TOP2B: variants seen among roughly 807,000 people sequenced by gnomAD.
TOP2B encodes DNA topoisomerase 2-beta.
TOP2B carries 51 observed loss-of-function variants against 193.5 expected under a neutral mutation model. The ratio of observed to expected loss-of-function variants is 0.26; its 90% confidence interval spans 0.21 to 0.33. The LOEUF (loss-of-function observed/expected upper bound fraction) is 0.33, where lower values mean the gene tolerates loss of function less well. Ranked by LOEUF, TOP2B falls within the 10% of genes least tolerant of loss-of-function variation. The pLI, the probability that TOP2B is intolerant of heterozygous loss-of-function variation, is 1.00. For missense variants in TOP2B, 1,378 were observed against 1,909.3 expected, an observed-to-expected ratio of 0.72 and a Z score of 5.19; for synonymous variants, 634 against 635.7, an observed-to-expected ratio of 1.00 and a Z score of 0.04.
chr3:25,600,175 T>C (rs974572268), intron 34 of TOP2B, among the ~76,000 whole-genome samples: 2 of 152,182 alleles, frequency 1.3e-5, no homozygotes, highest in Admixed American at 6.5e-5. Context: ...ATTCTCATCA[T>C]TGGAGGTGGA....
At chr3:25,652,047 C>T (rs937164273) in intron 1 of TOP2B, among the ~76,000 whole-genome samples, 1 of 152,024 alleles carries the variant, frequency 6.6e-6, no homozygotes, top group Admixed American at 6.5e-5. Flanking sequence ...AGAGAGTGGC[C>T]GTACTTACAT....
In TOP2B at chr3:25,633,807, C is replaced by A. The variant is rs376971644; in HGVS notation, c.1026+34G>T. On this transcript the variant is annotated intron_variant, in intron 8 of 35. Coordinates refer to ENST00000264331, the MANE Select transcript of TOP2B (RefSeq NM_001330700.2). ...AGTTTTTATTGAAGTACTGTTCTAC[C>A]ACTGACTTGGAAACAAATAATTTGC... The A allele has an allele frequency of 1.0e-4, 161 of 1,565,170 alleles. No homozygotes were observed. The African/African-American group carries it at 2.0e-3, about 19-fold the overall frequency.
chr3:25,636,728 C>A (rs1703117459), intron 6 of TOP2B, among the ~76,000 whole-genome samples: 1 of 151,988 alleles, frequency 6.6e-6, no homozygotes, highest in Non-Finnish European at 1.5e-5. Context: ...ATGCATGATG[C>A]TTTTCCTGAG....
chr3:25,645,304 G>A lies in TOP2B; in HGVS notation c.236C>T (p.Thr79Met), dbSNP rs557902062. The A allele has an allele frequency of 8.4e-6, 13 of 1,542,326 alleles. No homozygotes were observed. Among genetic ancestry groups the A allele is most frequent in the African/African-American group, 1.4e-5 (1 of 72,670 alleles). ...DTYIGSVEPLTQFMWVYDEDV... is the reference protein window; with the variant it reads ...DTYIGSVEPLMQFMWVYDEDV... ...ATCAATTTTAGCAATAATTACCTGCGTCAATGGCTCCACTGACCCAATATA... is the reference window on the plus strand; with the variant it reads ...ATCAATTTTAGCAATAATTACCTGCATCAATGGCTCCACTGACCCAATATA... Residue 79 changes from threonine to methionine, a missense_variant, in exon 2 of 36, where the codon ACG (threonine) becomes ATG (methionine). By Grantham distance (81) the Thr-to-Met change is moderately conservative. Transcript: ENST00000264331.
At chr3:25,612,463 CAT>C (rs1702397861) in intron 28 of TOP2B, 50 bp downstream of exon 28, 6 of 1,381,888 alleles carry the variant, frequency 4.3e-6, no homozygotes, top group Non-Finnish European at 5.8e-6. Flanking sequence ...TTAAATTATA[CAT>C]ATATTTCATT....
intron 28 of TOP2B, among the ~76,000 whole-genome samples, chr3:25,611,792 G>A (rs987493287): frequency 1.3e-5 from 2 of 151,968 alleles, no homozygotes; most frequent in Non-Finnish European, 2.9e-5. Flanking sequence ...AGAGTACTTT[G>A]TAAGCCAAAC....
At position 25,605,078 on chromosome 3, in the gene TOP2B, CAG is replaced by C. The variant is rs1559491241; in HGVS notation, c.4379-210_4379-209del. Among the ~76,000 whole-genome samples, 3 of 152,174 alleles carry C rather than the reference CAG, an allele frequency of 2.0e-5. No individual in the cohort carries two copies. In the South Asian group the frequency reaches 6.2e-4, roughly 32 times the overall value. ...ATGTTAACTATGTGGTGAAATAACA[CAG>C]AAGTGCATAAAGTAGTAAAAATTAA... On this transcript the variant is annotated intron_variant, in intron 32 of 35. Transcript: ENST00000264331.
intron 21 of TOP2B, among the ~76,000 whole-genome samples, chr3:25,621,657 C>A (rs570537813): frequency 6.6e-6 from 1 of 152,168 alleles, no homozygotes; most frequent in East Asian, 2.0e-4. Context: ...CTGCACCTGG[C>A]CTACTCTAAA....
At chr3:25,599,669 T>C (rs1702039935) in intron 34 of TOP2B, 140 bp from the exon 35 acceptor site, 1 of 753,030 alleles carries the variant, frequency 1.3e-6, no homozygotes, top group South Asian at 2.2e-5. Flanking sequence ...TGAGTGATTA[T>C]AAACAATTTG....
At chr3:25,631,693 C>T (rs1164305228) in intron 10 of TOP2B, among the ~76,000 whole-genome samples, 1 of 151,930 alleles carries the variant, frequency 6.6e-6, no homozygotes, top group African/African-American at 2.4e-5. Context: ...AAAATCAAAT[C>T]ACTTCATCAA....
At chr3:25,600,945 T>C (rs73051950) in intron 34 of TOP2B, among the ~76,000 whole-genome samples, 155 bp downstream of exon 34, 6,366 of 152,330 alleles carry the variant, frequency 0.042, 182 homozygotes, top group Middle Eastern at 0.065. Context: ...CTTTGGACTA[T>C]ATTCAGCACT....
intron 31 of TOP2B, 104 bp from the exon 32 acceptor site, chr3:25,606,226 C>G (rs1306765537): frequency 1.8e-6 from 1 of 559,574 alleles, no homozygotes; most frequent in Non-Finnish European, 3.0e-6. Context: ...AATCACAGAA[C>G]AAAACTTTAG....
rs370205557 is a variant in TOP2B, at chr3:25,598,272, A to C, written c.*35T>G. ...AGAGAAGACAAAAGGACAACACAAG[A>C]TATTTGTTGAAAAATGTTTGTGCTC... is the stretch of plus-strand genomic sequence containing the variant. On this transcript the variant is annotated 3_prime_UTR_variant, in exon 36 of 36. Transcript: ENST00000264331. The C allele has an allele frequency of 1.3e-5, 21 of 1,573,652 alleles. No individual in the cohort carries two copies. In the African/African-American group the frequency reaches 2.4e-4, roughly 18 times the overall value.
At chr3:25,630,539 G>A (rs1702925929) in intron 11 of TOP2B, 70 bp from the exon 12 acceptor site, 1 of 1,260,264 alleles carries the variant, frequency 7.9e-7, no homozygotes, top group South Asian at 1.6e-5. Context: ...AATGAAGTCA[G>A]AAAATTAACA....
chr3:25,639,105 T>C (rs1703185140), intron 4 of TOP2B, among the ~76,000 whole-genome samples: 1 of 152,166 alleles, frequency 6.6e-6, no homozygotes, highest in Non-Finnish European at 1.5e-5. Context: ...AGGAAGGCTG[T>C]CTATAATATG....
At chr3:25,598,518 G>GTAAAGACTAGTATT in intron 35 of TOP2B, 41 bp from the exon 36 acceptor site, 1 of 1,463,870 alleles carries the variant, frequency 6.8e-7, no homozygotes, top group Non-Finnish European at 9.2e-7. Flanking sequence ...ATGAAAGGAA[G>GTAAAGACTAGTATT]TAAAGACTAG....
chr3:25,662,900 T>C (rs1423375396), intron 1 of TOP2B, among the ~76,000 whole-genome samples: 5 of 152,218 alleles, frequency 3.3e-5, no homozygotes, highest in Admixed American at 2.0e-4. Context: ...GTAAAAGCCA[T>C]TAATTCTGAA....
intron 1 of TOP2B, among the ~76,000 whole-genome samples, chr3:25,659,703 T>C (rs12631947): frequency 0.18 from 27,699 of 152,202 alleles, 3,656 homozygotes; most frequent in African/African-American, 0.38. Flanking sequence ...AAAGGAAATA[T>C]ACTCCTTAGC....
rs760336286 is a variant in TOP2B, at chr3:25,612,525, T to G, written c.3776A>C (p.Lys1259Thr). Residue 1259 changes from lysine to threonine, a missense_variant, in exon 28 of 36, where the codon AAG becomes ACG. Physicochemically the swap from Lys to Thr is moderately conservative, Grantham distance 78 (BLOSUM62 -1). Around this residue, in one of 9 missense-constraint regions of TOP2B, gnomAD observed 556 missense variants for 584.2 expected, o/e 0.95. Transcript: ENST00000264331. Reference protein sequence around the residue: ...MKADASKKLLKKKKGDLDTAA... With the variant: ...MKADASKKLLTKKKGDLDTAA... ...AGAGGTATGTCATACCTTCTTCTTCTTCAGCAACTTTTTGCTGGCATCTGC... is the reference window on the plus strand; with the variant it reads ...AGAGGTATGTCATACCTTCTTCTTCGTCAGCAACTTTTTGCTGGCATCTGC... The G allele has an allele frequency of 9.3e-6, 15 of 1,608,108 alleles. No individual in the cohort carries two copies. Among genetic ancestry groups the G allele is most frequent in the Non-Finnish European group, 1.3e-5 (15 of 1,177,466 alleles).
Sources: gnomAD v4.1 joint callset for allele counts (sites outside exome capture counted in the v4.1 genomes callset) on GRCh38, gnomAD v4.1.1 for gene constraint, gnomAD v4.1.1 regional missense constraint, MANE v1.5 for transcripts, NCBI Gene and HGNC (gene_info 2026-07-23, HGNC 2026-07-21) for gene names.